NUBP2: variants seen among roughly 807,000 people sequenced by gnomAD.
NUBP2 encodes cytosolic Fe-S cluster assembly factor NUBP2.
A neutral mutation model predicts 24.9 loss-of-function variants in NUBP2; 23 were observed. That is an observed-to-expected ratio of 0.92 (90% CI 0.66 to 1.31). The LOEUF (loss-of-function observed/expected upper bound fraction) is 1.31, where lower values mean the gene tolerates loss of function less well. NUBP2 is among the 50% of genes most tolerant of loss of function. NUBP2 has a pLI of 0.00. For missense variants in NUBP2, 403 were observed against 386.5 expected (o/e 1.04, Z -0.36); for synonymous variants, 186 against 170.9 (o/e 1.09, Z -0.69).
chr16:1,786,173 A>C, intron 1 of NUBP2: 1 of 348,880 alleles, frequency 2.9e-6, no homozygotes, highest in South Asian at 2.7e-5. Flanking sequence ...CCCGTTAGAA[A>C]TAGCAGGGGG....
At chr16:1,783,694 C>G (rs1896828621) in intron 1 of NUBP2, among the ~76,000 whole-genome samples, 1 of 152,194 alleles carries the variant, frequency 6.6e-6, no homozygotes, top group Non-Finnish European at 1.5e-5. Flanking sequence ...AAACCGAGTG[C>G]TGGAGTCTTT....
chr16:1,785,380 C>G lies in NUBP2; in HGVS notation c.17-1157C>G, dbSNP rs971612792. On this transcript the variant is annotated intron_variant, in intron 1 of 6. Transcript: ENST00000262302. Reference sequence around the variant, plus strand: ...TACCATGGTGCTCAGCCCAACACACCAGACAGGCACCATTCCCCCACCTCT... The same window carrying G: ...TACCATGGTGCTCAGCCCAACACACGAGACAGGCACCATTCCCCCACCTCT... 17 of 1,165,652 alleles carry G rather than the reference C, an allele frequency of 1.5e-5. No homozygotes were observed. In the African/African-American group the frequency reaches 2.6e-4, roughly 18 times the overall value. 72.2% of individuals were successfully genotyped at this position (1,165,652 alleles called of 1,614,324 possible). A position where few individuals can be genotyped will look rare whatever the true frequency, so the allele number is the denominator to read the frequency against.
chr16:1,786,479 G>T lies in NUBP2; in HGVS notation c.17-58G>T, dbSNP rs778887165. 22 of 1,436,304 alleles carry T rather than the reference G, an allele frequency of 1.5e-5. No individual in the cohort carries two copies. The African/African-American group carries it at 2.5e-4, about 16-fold the overall frequency. 89.0% of individuals were successfully genotyped at this position (1,436,304 alleles called of 1,614,324 possible). A position where few individuals can be genotyped will look rare whatever the true frequency, so the allele number is the denominator to read the frequency against. On this transcript the variant is annotated intron_variant, in intron 1 of 6. Transcript: ENST00000262302. Reference sequence around the variant, plus strand: ...TGCAAGAGGCAGTGGGTGACCCCGCGTGTGTGGGCACAGTGGGCACCAGGA... The same window carrying T: ...TGCAAGAGGCAGTGGGTGACCCCGCTTGTGTGGGCACAGTGGGCACCAGGA...
intron 3 of NUBP2, 150 bp from the exon 4 acceptor site, chr16:1,787,527 G>A (rs538137557): frequency 3.5e-4 from 361 of 1,037,992 alleles, no homozygotes; most frequent in Admixed American, 1.2e-3. Flanking sequence ...AGCGGGCCAG[G>A]GCCTCCCGAG....
At chr16:1,783,342 G>C (rs753061391) in intron 1 of NUBP2, 294 of 1,105,748 alleles carry the variant, frequency 2.7e-4, no homozygotes, top group Middle Eastern at 3.9e-4. Context: ...TGTGGGCCCC[G>C]CTATCCTGGA....
intron 1 of NUBP2, chr16:1,786,319 G>C (rs1471758550): frequency 5.2e-6 from 3 of 574,926 alleles, no homozygotes; most frequent in Non-Finnish European, 9.3e-6. Context: ...GGTGCAGGGA[G>C]TGCCGTGGTC....
intron 3 of NUBP2, 24 bp from the exon 4 acceptor site, chr16:1,787,653 G>T: frequency 1.2e-6 from 2 of 1,609,216 alleles, no homozygotes; most frequent in Non-Finnish European, 1.7e-6. Flanking sequence ...TGCCCTGACC[G>T]CCCCGTCTGC....
rs550880735 is a variant in NUBP2 at position 1,783,284 on chromosome 16, A to T, written c.16+248A>T. 1.2e-4 allele frequency: 140 copies of T among 1,148,056 alleles called. 1 individual carries two copies. Among genetic ancestry groups the T allele is most frequent in the Non-Finnish European group, 1.5e-4 (138 of 934,440 alleles). 71.1% of individuals were successfully genotyped at this position (1,148,056 alleles called of 1,614,324 possible). Reference sequence around the variant, plus strand: ...GAGTCGTGGAGTTGGGGGAGCTTTTAAAGTTAACTTTGTTGAGCACCGCGT... The same window carrying T: ...GAGTCGTGGAGTTGGGGGAGCTTTTTAAGTTAACTTTGTTGAGCACCGCGT... On this transcript the variant is annotated intron_variant, in intron 1 of 6. Transcript: ENST00000262302.
chr16:1,785,395 C>T (rs958836200), intron 1 of NUBP2: 1 of 1,171,100 alleles, frequency 8.5e-7, no homozygotes, highest in Non-Finnish European at 1.1e-6. Context: ...AGGCACCATT[C>T]CCCCACCTCT....
At chr16:1,787,135 A>G (rs960950472) in intron 3 of NUBP2, 180 bp downstream of exon 3, 1 of 568,168 alleles carries the variant, frequency 1.8e-6, no homozygotes, top group Non-Finnish European at 3.0e-6. Context: ...CCGTGCTGCC[A>G]CACAGCTGTC....
intron 4 of NUBP2, 34 bp downstream of exon 4, chr16:1,787,865 G>A (rs1031975748): frequency 7.5e-6 from 12 of 1,602,306 alleles, no homozygotes; most frequent in Non-Finnish European, 1.0e-5. Flanking sequence ...GTCCCTGTGG[G>A]TGGCTTCCCA....
chr16:1,784,983 C>T (rs1380875413), intron 1 of NUBP2: 8 of 580,930 alleles, frequency 1.4e-5, no homozygotes, highest in African/African-American at 4.1e-5. Flanking sequence ...ACCCAGGAGG[C>T]GGAGGTTGCA....
In NUBP2 at chr16:1,789,037, C is replaced by T; in HGVS notation, c.*323C>T. 3.4e-6 allele frequency: 1 copy of T among 294,868 alleles called. No homozygotes were observed. The highest frequency in any genetic ancestry group is 6.3e-6 in the Non-Finnish European group (1 of 158,682). The allele number at this position is 294,868 out of a possible 1,614,324, so 18.3% of individuals were successfully genotyped here. On this transcript the variant is annotated 3_prime_UTR_variant, in exon 7 of 7. Coordinates refer to ENST00000262302, the MANE Select transcript of NUBP2 (RefSeq NM_012225.4). Reference sequence around the variant, plus strand: ...AGCGGAGCGCGGGACTTCTGCAGTCCTCAGGTGACCCCGGGCCTCCAGCAC... The same window carrying T: ...AGCGGAGCGCGGGACTTCTGCAGTCTTCAGGTGACCCCGGGCCTCCAGCAC...
chr16:1,785,047 C>G, intron 1 of NUBP2: 3 of 977,160 alleles, frequency 3.1e-6, no homozygotes, highest in Non-Finnish European at 3.6e-6. Context: ...ATGAGACCCC[C>G]TCTCAAAATA....
At position 1,789,079 on chromosome 16, in the gene NUBP2, C is replaced by T. The variant is rs1038213530; in HGVS notation, c.*365C>T. The T allele has an allele frequency of 1.4e-5, 3 of 212,118 alleles. No homozygotes were observed. The highest frequency in any genetic ancestry group is 1.2e-4 in the East Asian group (1 of 8,614). The allele number at this position is 212,118 out of a possible 1,614,324, so 13.1% of individuals were successfully genotyped here. On this transcript the variant is annotated 3_prime_UTR_variant, in exon 7 of 7. Coordinates refer to ENST00000262302, the MANE Select transcript of NUBP2 (RefSeq NM_012225.4). ...CTCCAGCACCCTGGGTCGCTGTCATCTGTGTTTAGCTCGGGGAGTGCCCCC... is the reference window on the plus strand; with the variant it reads ...CTCCAGCACCCTGGGTCGCTGTCATTTGTGTTTAGCTCGGGGAGTGCCCCC...
At chr16:1,787,904 C>A in intron 4 of NUBP2, 37 bp from the exon 5 acceptor site, 2 of 1,600,044 alleles carry the variant, frequency 1.2e-6, no homozygotes, top group Non-Finnish European at 1.7e-6. Flanking sequence ...CCTGCTGGTG[C>A]GCCTGGCTGA....
chr16:1,785,264 T>C (rs545475463), intron 1 of NUBP2: 181 of 1,043,746 alleles, frequency 1.7e-4, no homozygotes, highest in Non-Finnish European at 2.1e-4. Flanking sequence ...GACAATCTGC[T>C]TAGGAGCTGC....
chr16:1,788,383 C>T (rs1211827763), intron 6 of NUBP2, among the ~76,000 whole-genome samples, 176 bp downstream of exon 6: 2 of 152,202 alleles, frequency 1.3e-5, no homozygotes, highest in Non-Finnish European at 2.9e-5. Context: ...CGCCCGCGCC[C>T]TTCTCAGGGC....
chr16:1,787,458 G>A, intron 3 of NUBP2: 2 of 634,260 alleles, frequency 3.2e-6, no homozygotes, highest in Non-Finnish European at 5.4e-6. Flanking sequence ...TGTGGGCAGG[G>A]GCCAGACACT....
Sources: allele counts gnomAD v4.1 joint callset (sites outside exome capture counted in the v4.1 genomes callset), GRCh38; gene constraint gnomAD v4.1.1; transcripts MANE v1.5; gene names NCBI Gene and HGNC (gene_info 2026-07-23, HGNC 2026-07-21).